Variants in ZNF322 observed in about 807,000 individuals in gnomAD.
ZNF322 encodes the protein zinc finger protein 322, also known as HLA complex group 12.
Under a neutral mutation model 18.3 loss-of-function variants are expected in ZNF322, and 1 was observed. The ratio of observed to expected loss-of-function variants is 0.05; its 90% CI spans 0.02 to 0.26. The LOEUF is 0.26. Among genes scored for constraint, ZNF322 ranks in the 10% least tolerant of loss-of-function variants. The pLI, the probability that ZNF322 is intolerant of heterozygous loss-of-function variation, is 1.00. For synonymous variants in ZNF322, 17 were observed against 130.7 expected (o/e 0.13, Z 5.93); for missense variants, 36 against 403.6 (o/e 0.09, Z 7.80).
At position 26,649,663 on chromosome 6, in the gene ZNF322, GTGTGTGTGTGTGTATATATATATATATA is replaced by G. The variant is rs1561924689; in HGVS notation, c.-245-5963_-245-5936del. Among the ~76,000 whole-genome samples, 4 of 44,974 alleles carry G rather than the reference GTGTGTGTGTGTGTATATATATATATATA, an allele frequency of 8.9e-5. No individual in the cohort carries two copies. The East Asian group carries it at 2.8e-3, about 32-fold the overall frequency. The allele number at this position is 44,974 out of a possible 152,430, so 29.5% of individuals were successfully genotyped here. A position where few individuals can be genotyped will look rare whatever the true frequency, so the allele number is the denominator to read the frequency against. On this transcript the variant is annotated intron_variant, in intron 2 of 3. Transcript: ENST00000415922. Reference sequence around the variant, plus strand: ...TGTGTGTGTGTGTGTGTGTGTGTGTGTGTGTGTGTGTGTATATATATATATATATATATATATATTTTTTTTTTTTTTT... The same window carrying G: ...TGTGTGTGTGTGTGTGTGTGTGTGTGTATATATATATTTTTTTTTTTTTTT...
At position 26,659,659 on chromosome 6, in the gene ZNF322, A is replaced by G. The variant is rs1581500996; in HGVS notation, c.-553T>C. 2 of 165,112 alleles carry G rather than the reference A, an allele frequency of 1.2e-5. No homozygotes were observed. The highest frequency in any genetic ancestry group is 1.9e-4 in the East Asian group (1 of 5,190). The allele number at this position is 165,112 out of a possible 1,614,324, so 10.2% of individuals were successfully genotyped here. On this transcript the variant is annotated 5_prime_UTR_variant, in exon 1 of 4. Coordinates refer to ENST00000415922, the MANE Select transcript of ZNF322 (RefSeq NM_024639.5). ...GAGGAGTTGGGGCCAGGCCGCCCAC[A>G]GAGCGCTTTAACAGAGCGCTTCAAG... is the stretch of plus-strand genomic sequence containing the variant.
intron 2 of ZNF322, among the ~76,000 whole-genome samples, chr6:26,649,675 G>GTGTGTGTGTATATA (rs1465971500): frequency 8.7e-5 from 2 of 22,954 alleles, no homozygotes; most frequent in Non-Finnish European, 1.4e-4. Flanking sequence ...GTGTGTGTGT[G>GTGTGTGTGTATATA]TATATATATA....
In ZNF322 at chr6:26,659,718, G is replaced by A. The variant is rs1765851969; in HGVS notation, c.-612C>T. On this transcript the variant is annotated 5_prime_UTR_variant, in exon 1 of 4. Coordinates refer to ENST00000415922, the MANE Select transcript of ZNF322 (RefSeq NM_024639.5). ...AGGCCGGCTACGCAAACCCTTTCAA[G>A]CTGGCTGGGAAGAGGCCGGCGCAGC... is the stretch of plus-strand genomic sequence containing the variant. 1 of 154,836 alleles carries A rather than the reference G, an allele frequency of 6.5e-6. No individual in the cohort carries two copies. Among genetic ancestry groups the A allele is most frequent in the Admixed American group, 6.5e-5 (1 of 15,294 alleles). 9.6% of individuals were successfully genotyped at this position (154,836 alleles called of 1,614,324 possible). A position where few individuals can be genotyped will look rare whatever the true frequency, so the allele number is the denominator to read the frequency against.
chr6:26,652,885 A>T (rs935042872), intron 2 of ZNF322, among the ~76,000 whole-genome samples: 3 of 152,118 alleles, frequency 2.0e-5, no homozygotes, highest in Non-Finnish European at 4.4e-5. Context: ...TGCATGTGTC[A>T]GGGTAAAGAG....
chr6:26,651,587 A>AT (rs1765670032), intron 2 of ZNF322: 1 of 152,150 alleles, frequency 6.6e-6, no homozygotes. Context: ...CTGACAGTAG[A>AT]TTTTATGTTC....
intron 2 of ZNF322, among the ~76,000 whole-genome samples, chr6:26,649,212 T>A (rs1554148940): frequency 6.6e-6 from 1 of 152,198 alleles, no homozygotes; most frequent in Non-Finnish European, 1.5e-5. Flanking sequence ...ACTAAACCCA[T>A]GAGACATTAA....
At chr6:26,654,621 A>G (rs1007182232) in intron 2 of ZNF322, among the ~76,000 whole-genome samples, 2 of 152,172 alleles carry the variant, frequency 1.3e-5, no homozygotes, top group Non-Finnish European at 1.5e-5. Context: ...TAGTCACACA[A>G]TAAGAATCCA....
intron 2 of ZNF322, among the ~76,000 whole-genome samples, chr6:26,645,698 A>G (rs1765545189): frequency 6.6e-6 from 1 of 152,196 alleles, no homozygotes; most frequent in African/African-American, 2.4e-5. Context: ...AAGGTTAAAT[A>G]TAAAAATTTA....
chr6:26,639,283 C>T (rs1412697346), intron 3 of ZNF322, among the ~76,000 whole-genome samples: 1 of 152,112 alleles, frequency 6.6e-6, no homozygotes, highest in African/African-American at 2.4e-5. Flanking sequence ...AATATTAAAT[C>T]GCTATGAATC....
At chr6:26,646,596 C>A (rs1224386174) in intron 2 of ZNF322, among the ~76,000 whole-genome samples, 2 of 151,984 alleles carry the variant, frequency 1.3e-5, no homozygotes, top group African/African-American at 4.8e-5. Context: ...GCTTAATATA[C>A]CACTCTCAAT....
At chr6:26,643,347 C>A (rs1219202284) in intron 3 of ZNF322, among the ~76,000 whole-genome samples, 5 of 152,200 alleles carry the variant, frequency 3.3e-5, no homozygotes, top group Non-Finnish European at 7.4e-5. Context: ...CCCTTTTCTG[C>A]TTTACTTTTC....
intron 2 of ZNF322, among the ~76,000 whole-genome samples, chr6:26,644,865 A>G (rs1433504330): frequency 6.6e-6 from 1 of 152,214 alleles, no homozygotes; most frequent in African/African-American, 2.4e-5. Flanking sequence ...TTTGTTACAT[A>G]GGTAAATGTG....
intron 2 of ZNF322, among the ~76,000 whole-genome samples, chr6:26,657,367 C>G (rs1212653419): frequency 6.6e-6 from 1 of 152,142 alleles, no homozygotes; most frequent in African/African-American, 2.4e-5. Context: ...GCGTTATCTT[C>G]AGCCTCACAG....
At position 26,643,714 on chromosome 6, in the gene ZNF322, AAAG is replaced by A. The variant is rs1254449686; in HGVS notation, c.-234_-232del. The A allele has an allele frequency of 1.9e-5, 3 of 159,718 alleles. No individual in the cohort carries two copies. The highest frequency in any genetic ancestry group is 4.4e-5 in the Non-Finnish European group (3 of 68,078). 9.9% of individuals were successfully genotyped at this position (159,718 alleles called of 1,614,324 possible). A position where few individuals can be genotyped will look rare whatever the true frequency, so the allele number is the denominator to read the frequency against. On this transcript the variant is annotated 5_prime_UTR_variant, in exon 3 of 4. Transcript: ENST00000415922. ...CCTGATCCTGACAATTTGACTTCTC[AAAG>A]AAGATAGCATTCTGTAAAACACAAA...
intron 2 of ZNF322, among the ~76,000 whole-genome samples, chr6:26,650,742 A>C (rs1765652834): frequency 5.3e-5 from 8 of 152,242 alleles, no homozygotes; most frequent in Admixed American, 5.2e-4. Context: ...AAATATGTTC[A>C]TAATTTATGC....
At chr6:26,655,242 G>A (rs1292307649) in intron 2 of ZNF322, among the ~76,000 whole-genome samples, 1 of 152,214 alleles carries the variant, frequency 6.6e-6, no homozygotes, top group Non-Finnish European at 1.5e-5. Context: ...AACAACATGA[G>A]TGGAGCAATT....
Position 26,659,641 on chromosome 6 carries a change from T to TG in ZNF322, c.-536dup, listed in dbSNP as rs1363647253. On this transcript the variant is annotated 5_prime_UTR_variant, in exon 1 of 4. Transcript: ENST00000415922. ...CTTCGTGCGCCTAGACTAGAGGAGT[T>TG]GGGGCCAGGCCGCCCACAGAGCGCT... 6.0e-6 allele frequency: 1 copy of TG among 166,202 alleles called. No individual in the cohort carries two copies. Among genetic ancestry groups the TG allele is most frequent in the African/African-American group, 2.4e-5 (1 of 41,454 alleles). 10.3% of individuals were successfully genotyped at this position (166,202 alleles called of 1,614,324 possible).
intron 2 of ZNF322, among the ~76,000 whole-genome samples, chr6:26,655,026 C>A (rs1765743485): frequency 6.6e-6 from 1 of 152,046 alleles, no homozygotes; most frequent in South Asian, 2.1e-4. Context: ...AATGTCTAAA[C>A]TGAATCTGAT....
In ZNF322 at chr6:26,649,986, C is replaced by T. The variant is rs940312624; in HGVS notation, c.-245-6258G>A. On this transcript the variant is annotated intron_variant, in intron 2 of 3. Transcript: ENST00000415922. ...CCAAAGTGCTGGGATTACAGGCGTG[C>T]GCCACTGTGCCAGCCAAAAACATTT... 4.0e-5 allele frequency among the ~76,000 whole-genome samples: 6 copies of T among 151,528 alleles called. No individual in the cohort carries two copies. In the East Asian group the frequency reaches 5.8e-4, roughly 15 times the overall value.
Sources: gnomAD v4.1 joint callset for allele counts (sites outside exome capture counted in the v4.1 genomes callset) on GRCh38, gnomAD v4.1.1 for gene constraint, MANE v1.5 for transcripts, NCBI Gene and HGNC (gene_info 2026-07-23, HGNC 2026-07-21) for gene names.